VDR: variants seen among roughly 807,000 people sequenced by gnomAD.
The protein encoded by VDR is vitamin D receptor, also known as vitamin D3 receptor.
Under a neutral mutation model 39.7 loss-of-function variants are expected in VDR, and 19 were observed. The observed-to-expected ratio is 0.48, with a 90% CI of 0.33 to 0.70. The LOEUF is 0.70. VDR is among the 30% of genes least tolerant of loss of function. The probability of loss-of-function intolerance (pLI) is 0.02; values close to 1 mark genes in which losing one functional copy is unlikely to be tolerated. For missense variants in VDR, 442 were observed against 570.5 expected, an observed-to-expected ratio of 0.77 and a Z score of 2.29; for synonymous variants, 242 against 215.8, an observed-to-expected ratio of 1.12 and a Z score of -1.07.
At chr12:47,851,667 T>C (rs1945389937) in intron 7 of VDR, among the ~76,000 whole-genome samples, 1 of 152,202 alleles carries the variant, frequency 6.6e-6, no homozygotes, top group Non-Finnish European at 1.5e-5. Context: ...AGTTGGAGCC[T>C]AGGTTTGGGC....
chr12:47,903,796 C>T (rs1227387577), intron 1 of VDR, among the ~76,000 whole-genome samples: 1 of 152,152 alleles, frequency 6.6e-6, no homozygotes, highest in Non-Finnish European at 1.5e-5. Context: ...ACCTCCTTAT[C>T]CCAGGAGAAA....
intron 2 of VDR, among the ~76,000 whole-genome samples, chr12:47,880,039 G>C (rs1343838580): frequency 1.3e-5 from 2 of 152,108 alleles, no homozygotes; most frequent in African/African-American, 4.8e-5. Flanking sequence ...CCCGTCTACT[G>C]TCAGGCTCAG....
chr12:47,896,101 T>C (rs940080286), intron 1 of VDR, among the ~76,000 whole-genome samples: 5 of 152,204 alleles, frequency 3.3e-5, no homozygotes, highest in African/African-American at 1.2e-4. Context: ...AGCTTCTGCT[T>C]CCTCACCTGT....
chr12:47,897,307 A>G (rs1025987014), intron 1 of VDR, among the ~76,000 whole-genome samples: 51 of 152,226 alleles, frequency 3.4e-4, no homozygotes, highest in Non-Finnish European at 5.9e-5. Context: ...GTCAGCTATT[A>G]CATAATATGG....
In VDR at chr12:47,883,580, C is replaced by T. The variant is rs529741709; in HGVS notation, c.-83-806G>A. 1.8e-4 allele frequency among the ~76,000 whole-genome samples: 27 copies of T among 152,274 alleles called. No homozygotes were observed. In the East Asian group the frequency reaches 4.4e-3, roughly 25 times the overall value. On this transcript the variant is annotated intron_variant, in intron 1 of 9. Transcript: ENST00000549336. ...TATCCTTTCCACTTCCACTCACACC[C>T]GGCCCTACTTGTCCACCTGCAGACA...
At chr12:47,880,358 T>G (rs976235786) in intron 2 of VDR, among the ~76,000 whole-genome samples, 1 of 152,132 alleles carries the variant, frequency 6.6e-6, no homozygotes, top group African/African-American at 2.4e-5. Flanking sequence ...TGATCTAGGG[T>G]GTGGAATATC....
chr12:47,885,802 T>C (rs1454243415), intron 1 of VDR, among the ~76,000 whole-genome samples: 1 of 152,142 alleles, frequency 6.6e-6, no homozygotes, highest in East Asian at 1.9e-4. Context: ...GCTCAAGCAA[T>C]CTTCCACCTC....
At chr12:47,868,047 G>A (rs1462316514) in intron 3 of VDR, among the ~76,000 whole-genome samples, 3 of 152,302 alleles carry the variant, frequency 2.0e-5, no homozygotes, top group East Asian at 1.9e-4. Context: ...CCCTTTATAC[G>A]TGGGACCACT....
rs894692671 is a variant in VDR at position 47,844,637 on chromosome 12, C to G, written c.*109G>C. 1 of 1,500,022 alleles carries G rather than the reference C, an allele frequency of 6.7e-7. No homozygotes were observed. The highest frequency in any genetic ancestry group is 9.1e-7 in the Non-Finnish European group (1 of 1,096,658). 92.9% of individuals were successfully genotyped at this position (1,500,022 alleles called of 1,614,324 possible). On this transcript the variant is annotated 3_prime_UTR_variant, in exon 10 of 10. Coordinates refer to ENST00000549336, the MANE Select transcript of VDR (RefSeq NM_000376.3). The stretch of plus-strand genomic sequence containing the variant: ...GATAGGGGAGGTGGCAGAGGAGGGG[C>G]TGAACCCCAGACGGGGTGAGGAGGG...
In VDR at chr12:47,857,204, G is replaced by A; in HGVS notation, c.508C>T (p.Pro170Ser). 6.2e-7 allele frequency: 1 copy of A among 1,614,214 alleles called. No individual in the cohort carries two copies. Reference sequence around the variant, plus strand: ...AAGCTGGGAGTGTGTCTGGAGTTGGGCCTGGAAGGATGGCTCCCTCCACCA... The same window carrying A: ...AAGCTGGGAGTGTGTCTGGAGTTGGACCTGGAAGGATGGCTCCCTCCACCA... The part of the protein sequence containing the change: ...NDGGGSHPSR[P>S]NSRHTPSFSG... Residue 170 changes from proline (P) to serine (S), a missense_variant, in exon 6 of 10, where the codon CCC becomes TCC. Pro to Ser is a moderately conservative substitution (Grantham distance 74, BLOSUM62 -1). Coordinates refer to ENST00000549336, the MANE Select transcript of VDR (RefSeq NM_000376.3).
chr12:47,851,389 A>C lies in VDR; in HGVS notation c.755+4241T>G, dbSNP rs566047989. Reference sequence around the variant, plus strand: ...GGAGGAGAGAGCAGGCCAAGGCCACACTGTAGCACAGTTCACACCAAGAAC... The same window carrying C: ...GGAGGAGAGAGCAGGCCAAGGCCACCCTGTAGCACAGTTCACACCAAGAAC... On this transcript the variant is annotated intron_variant, in intron 7 of 9. Transcript: ENST00000549336. 2.6e-5 allele frequency among the ~76,000 whole-genome samples: 4 copies of C among 152,194 alleles called. No homozygotes were observed. The East Asian group carries it at 5.8e-4, about 22-fold the overall frequency.
rs1381481876 is a variant in VDR at position 47,842,968 on chromosome 12, G to C, written c.*1778C>G. 10 of 151,980 alleles carry C rather than the reference G, an allele frequency of 6.6e-5. No homozygotes were observed. The highest frequency in any genetic ancestry group is 6.6e-4 in the Admixed American group (10 of 15,258). 9.4% of individuals were successfully genotyped at this position (151,980 alleles called of 1,614,324 possible). A position where few individuals can be genotyped will look rare whatever the true frequency, so the allele number is the denominator to read the frequency against. On this transcript the variant is annotated 3_prime_UTR_variant, in exon 10 of 10. Transcript: ENST00000549336. ...CCTAGACCCTTGTAAAATAACAACA[G>C]CAATAATAATTAATGTACAGAAGTT...
chr12:47,886,488 G>A (rs542716741), intron 1 of VDR, among the ~76,000 whole-genome samples: 1 of 152,296 alleles, frequency 6.6e-6, no homozygotes, highest in South Asian at 2.1e-4. Context: ...CCCAGAAGAA[G>A]CTGACAGAGA....
Position 47,857,472 on chromosome 12 carries a change from G to T in VDR, c.462+32C>A, listed in dbSNP as rs368556619. ...TGGCTCCACTAGTGCTTCTCCTCTG[G>T]ACCGGCTCATCCTCCCAGCAGGCAG... On this transcript the variant is annotated intron_variant, in intron 5 of 9. Coordinates refer to ENST00000549336, the MANE Select transcript of VDR (RefSeq NM_000376.3). The T allele has an allele frequency of 2.5e-4, 398 of 1,613,826 alleles. 2 individuals carry two copies. Among genetic ancestry groups the T allele is most frequent in the Non-Finnish European group, 3.1e-4 (371 of 1,179,958 alleles).
intron 1 of VDR, 191 bp downstream of exon 1, chr12:47,904,764 C>T (rs1428639606): frequency 3.4e-6 from 3 of 885,706 alleles, no homozygotes; most frequent in African/African-American, 3.4e-5. Flanking sequence ...CGAACTTCAG[C>T]TTTCTCAAAC....
chr12:47,880,971 C>CTA (rs1350867060), intron 2 of VDR, among the ~76,000 whole-genome samples: 1 of 148,370 alleles, frequency 6.7e-6, no homozygotes. Context: ...AAATATATAC[C>CTA]TATATATAAA....
intron 3 of VDR, among the ~76,000 whole-genome samples, chr12:47,877,788 A>G (rs1946038561): frequency 6.6e-6 from 1 of 152,198 alleles, no homozygotes; most frequent in African/African-American, 2.4e-5. Flanking sequence ...AGAGCCAGCG[A>G]TGCTGCTTGT....
At chr12:47,866,035 A>G (rs1263326606) in intron 3 of VDR, among the ~76,000 whole-genome samples, 1 of 150,636 alleles carries the variant, frequency 6.6e-6, no homozygotes, top group East Asian at 2.0e-4. Context: ...TCTTATACTT[A>G]TTTTACAGTA....
In VDR at chr12:47,844,443, C is replaced by T. The variant is rs971853970; in HGVS notation, c.*303G>A. Reference sequence around the variant, plus strand: ...CATCAGTCAGCAGCCACTTAGGCAGCGGTGGAGGCATCTCTGGGCAAGGCC... The same window carrying T: ...CATCAGTCAGCAGCCACTTAGGCAGTGGTGGAGGCATCTCTGGGCAAGGCC... On this transcript the variant is annotated 3_prime_UTR_variant, in exon 10 of 10. Coordinates refer to ENST00000549336, the MANE Select transcript of VDR (RefSeq NM_000376.3). 1.1e-5 allele frequency: 6 copies of T among 550,528 alleles called. No individual in the cohort carries two copies. The highest frequency in any genetic ancestry group is 2.1e-5 in the South Asian group (1 of 47,734). The allele number at this position is 550,528 out of a possible 1,614,324, so 34.1% of individuals were successfully genotyped here. A position where few individuals can be genotyped will look rare whatever the true frequency, so the allele number is the denominator to read the frequency against.
Sources: gnomAD v4.1 joint callset for allele counts (sites outside exome capture counted in the v4.1 genomes callset) on GRCh38, gnomAD v4.1.1 for gene constraint, MANE v1.5 for transcripts, NCBI Gene and HGNC (gene_info 2026-07-23, HGNC 2026-07-21) for gene names.